The following PER3 variants were observed in gnomAD, a reference collection of about 807,000 sequenced individuals.
PER3 encodes period circadian protein homolog 3.
PER3 carries 107 observed loss-of-function variants against 127.2 expected under a neutral mutation model. That is an observed-to-expected ratio of 0.84 (90% CI 0.72 to 0.99). The LOEUF (loss-of-function observed/expected upper bound fraction) is 0.99, where lower values mean the gene tolerates loss of function less well. Among genes scored for constraint, PER3 ranks in the 50% least tolerant of loss-of-function variants. The probability of loss-of-function intolerance (pLI) is 0.00; values close to 1 mark genes in which losing one functional copy is unlikely to be tolerated. For synonymous variants in PER3, 618 were observed against 585.8 expected (o/e 1.05, Z -0.79); for missense variants, 1,560 against 1,525.8 (o/e 1.02, Z -0.37).
intron 5 of PER3, among the ~76,000 whole-genome samples, chr1:7,791,633 G>C (rs1287635376): frequency 6.6e-6 from 1 of 152,128 alleles, no homozygotes; most frequent in Non-Finnish European, 1.5e-5. Context: ...CCAGAAAATG[G>C]GTTTTTCTTT....
chr1:7,785,384 G>A (rs1223231491), intron 2 of PER3, 57 bp from the exon 3 acceptor site: 3 of 1,408,482 alleles, frequency 2.1e-6, no homozygotes, highest in Non-Finnish European at 3.0e-6. Flanking sequence ...TGTTCCCTAA[G>A]CCGCAAGATG....
At chr1:7,817,336 A>G (rs374806490) in intron 13 of PER3, among the ~76,000 whole-genome samples, 7 of 152,202 alleles carry the variant, frequency 4.6e-5, no homozygotes, top group South Asian at 2.1e-4. Context: ...GGCATTGACA[A>G]CTGAGTCCAA....
chr1:7,800,459 A>G (rs996604055), intron 7 of PER3, among the ~76,000 whole-genome samples: 3 of 152,012 alleles, frequency 2.0e-5, no homozygotes, highest in African/African-American at 7.3e-5. Flanking sequence ...CGGCCTCCCA[A>G]AGTGCTGGGA....
chr1:7,819,715 T>G (rs1361122627), intron 14 of PER3, among the ~76,000 whole-genome samples: 1 of 152,186 alleles, frequency 6.6e-6, no homozygotes, highest in Non-Finnish European at 1.5e-5. Context: ...AGGCTGCATG[T>G]GGCACAGGAC....
Position 7,826,667 on chromosome 1 carries a change from TC to T in PER3, c.2146del (p.Gln716SerfsTer141). On this transcript the variant is annotated frameshift_variant, in exon 17 of 22. Coordinates refer to ENST00000377532, the MANE Select transcript of PER3 (RefSeq NM_001377275.1). LOFTEE classifies it high-confidence loss of function. The surrounding 1 kb of genome is among the most constrained non-coding windows in gnomAD (Gnocchi z 4.2). ...ILSSPYSSYL[Q>X]QESRSKAKYS... ...TGTCATCACCCTACAGCTCCTATCTTCAGCAAGAAAGCAGGAGCAAAGCTAA... is the reference window on the plus strand; with the variant it reads ...TGTCATCACCCTACAGCTCCTATCTTAGCAAGAAAGCAGGAGCAAAGCTAA... 6.2e-7 allele frequency: 1 copy of T among 1,613,152 alleles called. No homozygotes were observed. The highest frequency in any genetic ancestry group is 1.1e-5 in the South Asian group (1 of 91,062).
Position 7,808,928 on chromosome 1 carries a change from T to G in PER3, c.1172T>G (p.Ile391Ser). The change falls in exon 11 of 22, where the codon ATT becomes AGT. Residue 391 changes from isoleucine to serine, a missense_variant. Physicochemically the swap from Ile to Ser is moderately radical, Grantham distance 142. Coordinates refer to ENST00000377532, the MANE Select transcript of PER3 (RefSeq NM_001377275.1). ...AATGAGGATGTTTTTGCTACCAAAA[T>G]TAAAAAGATGAACGATAATGACAAA... ...PLNEDVFATK[I>S]KKMNDNDKDI... 6.2e-7 allele frequency: 1 copy of G among 1,602,132 alleles called. No individual in the cohort carries two copies. Among genetic ancestry groups the G allele is most frequent in the Non-Finnish European group, 8.5e-7 (1 of 1,169,888 alleles).
Position 7,818,905 on chromosome 1 carries a change from A to G in PER3, c.1523-380A>G, listed in dbSNP as rs138596674. Among the ~76,000 whole-genome samples the G allele has an allele frequency of 7.2e-5, 11 of 152,368 alleles. No individual in the cohort carries two copies. In the East Asian group the frequency reaches 1.9e-3, roughly 27 times the overall value. On this transcript the variant is annotated intron_variant, in intron 13 of 21. Coordinates refer to ENST00000377532, the MANE Select transcript of PER3 (RefSeq NM_001377275.1). The stretch of plus-strand genomic sequence containing the variant: ...ACGTAAGATGCACAGGTCTTCCCAC[A>G]TTCCACCCTTAGTGATTGCCAGGGT...
chr1:7,796,292 G>C (rs1218244827), intron 6 of PER3, among the ~76,000 whole-genome samples: 1 of 149,110 alleles, frequency 6.7e-6, no homozygotes, highest in Non-Finnish European at 1.5e-5. Flanking sequence ...TCAGTGAACA[G>C]AGGTAGGAAA....
At chr1:7,793,243 C>G (rs1318546816) in intron 5 of PER3, among the ~76,000 whole-genome samples, 2 of 152,152 alleles carry the variant, frequency 1.3e-5, no homozygotes, top group African/African-American at 2.4e-5. Flanking sequence ...TACATATAGT[C>G]AACAAACACT....
chr1:7,841,587 C>G (rs146776669), intron 21 of PER3, among the ~76,000 whole-genome samples: 1 of 152,142 alleles, frequency 6.6e-6, no homozygotes, highest in Non-Finnish European at 1.5e-5. Context: ...CAGATAGACT[C>G]GAGTTCCAAA....
chr1:7,786,826 C>A lies in PER3; in HGVS notation c.380C>A (p.Ser127Tyr). 6.3e-7 allele frequency: 1 copy of A among 1,585,116 alleles called. No individual in the cohort carries two copies. Among genetic ancestry groups the A allele is most frequent in the African/African-American group, 1.3e-5 (1 of 74,438 alleles). The change falls in exon 4 of 22, where the codon TCC (serine) becomes TAC (tyrosine). Residue 127 changes from serine (S) to tyrosine (Y), a missense_variant. Physicochemically the swap from Ser to Tyr is moderately radical, Grantham distance 144. Transcript: ENST00000377532. ...GCCACTATCGCTTCAGAACACACTT[C>A]CAAAAACACAGTAAGAATTCATGCA... is the stretch of plus-strand genomic sequence containing the variant. The part of the protein sequence containing the change: ...ELATIASEHT[S>Y]KNTDTFVAVF...
chr1:7,787,206 C>A, intron 4 of PER3: 1 of 787,092 alleles, frequency 1.3e-6, no homozygotes, highest in Non-Finnish European at 1.6e-6. Flanking sequence ...AGTTCCAATA[C>A]CTACTACTTC....
intron 19 of PER3, among the ~76,000 whole-genome samples, chr1:7,831,287 A>G (rs2097330504): frequency 6.6e-6 from 1 of 152,228 alleles, no homozygotes; most frequent in East Asian, 1.9e-4. Flanking sequence ...AATTTAATCA[A>G]ATTGTGTATT....
chr1:7,826,982 T>A lies in PER3; in HGVS notation c.2189-136T>A. 1 of 703,452 alleles carries A rather than the reference T, an allele frequency of 1.4e-6. No individual in the cohort carries two copies. Among genetic ancestry groups the A allele is most frequent in the Non-Finnish European group, 2.4e-6 (1 of 423,742 alleles). 43.6% of individuals were successfully genotyped at this position (703,452 alleles called of 1,614,324 possible). ...TTATCCGGAATTTTGTTCATCTTTTTAGAGCCACTTTTTGTCATTCTGGTA... is the reference window on the plus strand; with the variant it reads ...TTATCCGGAATTTTGTTCATCTTTTAAGAGCCACTTTTTGTCATTCTGGTA... On this transcript the variant is annotated intron_variant, in intron 17 of 21. Coordinates refer to ENST00000377532, the MANE Select transcript of PER3 (RefSeq NM_001377275.1). This position sits in a 1 kb window ranked among gnomAD's most constrained non-coding sequence, Gnocchi z 4.2.
intron 21 of PER3, 131 bp downstream of exon 21, chr1:7,837,280 A>G (rs373385224): frequency 1.9e-4 from 124 of 643,538 alleles, no homozygotes; most frequent in East Asian, 8.7e-4. Flanking sequence ...GGTAGGTGTT[A>G]TTATTCCCTC....
In PER3 at chr1:7,803,088, G is replaced by A. The variant is rs1290196533; in HGVS notation, c.914G>A (p.Gly305Glu). 6.2e-7 allele frequency: 1 copy of A among 1,613,708 alleles called. No individual in the cohort carries two copies. The highest frequency in any genetic ancestry group is 8.5e-7 in the Non-Finnish European group (1 of 1,179,684). The change falls in exon 9 of 22, where the codon GGA becomes GAA. Residue 305 changes from glycine (G) to glutamate (E), a missense_variant. Gly to Glu is a moderately conservative substitution (Grantham distance 98). Around this residue, in one of 3 missense-constraint regions of PER3, gnomAD observed 1,332 missense variants for 1,223.6 expected, o/e 1.09. Transcript: ENST00000377532. ...GGTTACCTACCTCAGGACCTGATTG[G>A]AACATCGATCCTAAGCTACCTGCAC... is the stretch of plus-strand genomic sequence containing the variant. Reference protein sequence around the residue: ...LLGYLPQDLIGTSILSYLHPE... With the variant: ...LLGYLPQDLIETSILSYLHPE...
At chr1:7,832,198 G>A (rs1414605558) in intron 19 of PER3, among the ~76,000 whole-genome samples, 5 of 151,696 alleles carry the variant, frequency 3.3e-5, no homozygotes, top group African/African-American at 9.7e-5. Context: ...TCCTTTTAAT[G>A]TCTGTAGGTT....
At position 7,786,849 on chromosome 1, in the gene PER3, G is replaced by A. The variant is rs1201757152; in HGVS notation, c.390+13G>A. 3.4e-6 allele frequency: 5 copies of A among 1,477,290 alleles called. No individual in the cohort carries two copies. Among genetic ancestry groups the A allele is most frequent in the Non-Finnish European group, 4.7e-6 (5 of 1,055,332 alleles). 91.5% of individuals were successfully genotyped at this position (1,477,290 alleles called of 1,614,324 possible). A position where few individuals can be genotyped will look rare whatever the true frequency, so the allele number is the denominator to read the frequency against. On this transcript the variant is annotated intron_variant, in intron 4 of 21. Coordinates refer to ENST00000377532, the MANE Select transcript of PER3 (RefSeq NM_001377275.1). Reference sequence around the variant, plus strand: ...TTCCAAAAACACAGTAAGAATTCATGCATTTTGCCATATCAACCTGGGTGA... The same window carrying A: ...TTCCAAAAACACAGTAAGAATTCATACATTTTGCCATATCAACCTGGGTGA...
In PER3 at chr1:7,819,320, C is replaced by G. The variant is rs981180169; in HGVS notation, c.1558C>G (p.Leu520Val). 6 of 1,613,710 alleles carry G rather than the reference C, an allele frequency of 3.7e-6. No homozygotes were observed. In the South Asian group the frequency reaches 6.6e-5, roughly 18 times the overall value. The change falls in exon 14 of 22, where the codon CTG becomes GTG. Residue 520 changes from leucine to valine, a missense_variant. By Grantham distance (32) the Leu-to-Val change is conservative. This residue lies in a region of PER3 where 1,332 missense variants were observed against 1,223.6 expected (regional missense o/e 1.09). Coordinates refer to ENST00000377532, the MANE Select transcript of PER3 (RefSeq NM_001377275.1). The stretch of plus-strand genomic sequence containing the variant: ...GACCTTTACTTCCTTCCACCAAACA[C>G]TGAAAAACAATAGTGTGTACACTGA... Reference protein sequence around the residue: ...CKTFTSFHQTLKNNSVYTEPC... With the variant: ...CKTFTSFHQTVKNNSVYTEPC...
Sources: allele counts gnomAD v4.1 joint callset (sites outside exome capture counted in the v4.1 genomes callset), GRCh38; gene constraint gnomAD v4.1.1; regional missense constraint gnomAD v4.1.1; non-coding constraint Gnocchi (gnomAD v3.1); transcripts MANE v1.5; gene names NCBI Gene and HGNC (gene_info 2026-07-23, HGNC 2026-07-21).